FOXJ3: variants seen among roughly 807,000 people sequenced by gnomAD.
The protein encoded by FOXJ3 is forkhead box protein J3.
FOXJ3 carries 22 observed loss-of-function variants against 76.1 expected under a neutral mutation model. The ratio of observed to expected loss-of-function variants is 0.29; its 90% CI spans 0.21 to 0.41. FOXJ3 has a LOEUF of 0.41. Among genes scored for constraint, FOXJ3 ranks in the 10% least tolerant of loss-of-function variants. FOXJ3 has a pLI of 1.00. For missense variants in FOXJ3, 613 were observed against 762.1 expected, an observed-to-expected ratio of 0.80 and a Z score of 2.30; for synonymous variants, 269 against 261.2, an observed-to-expected ratio of 1.03 and a Z score of -0.29.
At chr1:42,304,892 G>A (rs138744719) in intron 2 of FOXJ3, among the ~76,000 whole-genome samples, 108 of 152,132 alleles carry the variant, frequency 7.1e-4, no homozygotes, top group African/African-American at 2.4e-3. Flanking sequence ...ATAGACAAAC[G>A]GGATCACATC....
intron 8 of FOXJ3, among the ~76,000 whole-genome samples, chr1:42,192,069 A>T (rs1452274405): frequency 6.6e-6 from 1 of 152,230 alleles, no homozygotes; most frequent in Non-Finnish European, 1.5e-5. Context: ...CTGAGTCTTG[A>T]AAGATAAGGA....
intron 2 of FOXJ3, among the ~76,000 whole-genome samples, chr1:42,293,578 A>G (rs1653583196): frequency 6.6e-6 from 1 of 152,196 alleles, no homozygotes; most frequent in Admixed American, 6.5e-5. Flanking sequence ...ATAGCAAAAA[A>G]AAATTTGTGC....
intron 4 of FOXJ3, among the ~76,000 whole-genome samples, chr1:42,261,774 T>TA (rs1227316326): frequency 2.0e-5 from 3 of 152,184 alleles, no homozygotes; most frequent in Non-Finnish European, 1.5e-5. Flanking sequence ...GACCAAAATC[T>TA]ACTCCCACCC....
At chr1:42,222,046 G>A (rs2458397) in intron 5 of FOXJ3, among the ~76,000 whole-genome samples, 145 of 8,950 alleles carry the variant, frequency 0.016, 14 homozygotes, top group South Asian at 0.038. Flanking sequence ...GAAGGAGAAG[G>A]AGAAGAAGAA....
At position 42,195,067 on chromosome 1, in the gene FOXJ3, A is replaced by G. The variant is rs1646625643; in HGVS notation, c.760-3T>C. ...ACTGATTCTGGATGGCTTGTCACCTAACATTAAAAGAAAACACAACTAATT... is the reference window on the plus strand; with the variant it reads ...ACTGATTCTGGATGGCTTGTCACCTGACATTAAAAGAAAACACAACTAATT... On this transcript the variant is annotated splice_region_variant and splice_polypyrimidine_tract_variant and intron_variant, in intron 7 of 12. Coordinates refer to ENST00000361346, the MANE Select transcript of FOXJ3 (RefSeq NM_014947.5). The G allele has an allele frequency of 1.3e-6, 2 of 1,591,782 alleles. No homozygotes were observed. The highest frequency in any genetic ancestry group is 1.8e-5 in the Admixed American group (1 of 54,156).
chr1:42,286,156 T>C (rs1214734105), intron 2 of FOXJ3, among the ~76,000 whole-genome samples: 1 of 152,260 alleles, frequency 6.6e-6, no homozygotes, highest in African/African-American at 2.4e-5. Flanking sequence ...ACTGACTTTA[T>C]ATTTTGTTAT....
intron 2 of FOXJ3, among the ~76,000 whole-genome samples, chr1:42,292,256 A>G (rs1653484229): frequency 6.6e-6 from 1 of 152,266 alleles, no homozygotes; most frequent in African/African-American, 2.4e-5. Flanking sequence ...GTTCACAAGC[A>G]TATGGAGCAA....
At chr1:42,212,973 A>AC (rs1366644815) in intron 5 of FOXJ3, among the ~76,000 whole-genome samples, 6 of 135,480 alleles carry the variant, frequency 4.4e-5, no homozygotes, top group African/African-American at 1.6e-4. Context: ...AAAAAAAAAC[A>AC]AAAAAAAAAC....
intron 2 of FOXJ3, among the ~76,000 whole-genome samples, chr1:42,306,580 G>T (rs984301054): frequency 6.6e-6 from 1 of 151,944 alleles, no homozygotes; most frequent in Admixed American, 6.5e-5. Context: ...GGGATTACAG[G>T]CATGAGCCAC....
intron 11 of FOXJ3, among the ~76,000 whole-genome samples, chr1:42,187,128 A>G (rs956826602): frequency 6.6e-6 from 1 of 152,232 alleles, no homozygotes; most frequent in Non-Finnish European, 1.5e-5. Flanking sequence ...GATTGCAGGC[A>G]TGAGCCACCA....
At chr1:42,321,240 A>C (rs983098895) in intron 1 of FOXJ3, among the ~76,000 whole-genome samples, 2 of 152,170 alleles carry the variant, frequency 1.3e-5, no homozygotes, top group Non-Finnish European at 2.9e-5. Context: ...TTCCGGAACT[A>C]CTGGTTTAGG....
chr1:42,263,328 A>T (rs1194183777), intron 4 of FOXJ3, among the ~76,000 whole-genome samples: 4 of 152,200 alleles, frequency 2.6e-5, no homozygotes, highest in Non-Finnish European at 5.9e-5. Context: ...TTCATTTAAA[A>T]ATCCAATCAG....
intron 2 of FOXJ3, chr1:42,280,155 A>G (rs1390259963): frequency 8.6e-6 from 2 of 233,880 alleles, no homozygotes; most frequent in Non-Finnish European, 1.4e-5. Flanking sequence ...AACATGCACA[A>G]AAAAATATTC....
chr1:42,231,044 G>A (rs117175845), intron 4 of FOXJ3, among the ~76,000 whole-genome samples: 3,911 of 152,160 alleles, frequency 0.026, 108 homozygotes, highest in East Asian at 0.12. Context: ...GCCAGGCGCC[G>A]TGGCTCACGC....
At chr1:42,322,205 TAAC>T (rs1320600645) in intron 1 of FOXJ3, among the ~76,000 whole-genome samples, 1 of 152,040 alleles carries the variant, frequency 6.6e-6, no homozygotes, top group Non-Finnish European at 1.5e-5. Flanking sequence ...TTAAGAAATA[TAAC>T]AACCAAATGC....
At chr1:42,320,147 A>G (rs1655347296) in intron 1 of FOXJ3, among the ~76,000 whole-genome samples, 1 of 152,218 alleles carries the variant, frequency 6.6e-6, no homozygotes, top group Admixed American at 6.5e-5. Flanking sequence ...ACAGTAGGAA[A>G]TATACGTAAC....
intron 6 of FOXJ3, among the ~76,000 whole-genome samples, chr1:42,202,105 C>G (rs933758032): frequency 1.3e-4 from 20 of 151,792 alleles, no homozygotes; most frequent in African/African-American, 4.6e-4. Context: ...TTAATAGCAC[C>G]TTTCTGTTTT....
intron 4 of FOXJ3, among the ~76,000 whole-genome samples, chr1:42,249,325 C>G (rs570557631): frequency 4.0e-4 from 61 of 152,308 alleles, no homozygotes; most frequent in African/African-American, 1.4e-3. Flanking sequence ...ATTCCTGGCT[C>G]TCCTCTGGAC....
At chr1:42,251,720 T>G (rs1420778128) in intron 4 of FOXJ3, among the ~76,000 whole-genome samples, 3 of 136,466 alleles carry the variant, frequency 2.2e-5, no homozygotes, top group Admixed American at 7.2e-5. Context: ...TTTTTTTTTT[T>G]TTTTTTTTTT....
Sources: gnomAD v4.1 joint callset for allele counts (sites outside exome capture counted in the v4.1 genomes callset) on GRCh38, gnomAD v4.1.1 for gene constraint, MANE v1.5 for transcripts, NCBI Gene and HGNC (gene_info 2026-07-23, HGNC 2026-07-21) for gene names.